RUNX3: variants seen among roughly 807,000 people sequenced by gnomAD.
The protein encoded by RUNX3 is RUNX family transcription factor 3.
Under a neutral mutation model 27.7 loss-of-function variants are expected in RUNX3, and 10 were observed. The observed-to-expected ratio is 0.36, with a 90% CI of 0.22 to 0.61. The LOEUF (loss-of-function observed/expected upper bound fraction) is 0.61, where lower values mean the gene tolerates loss of function less well. Ranked by LOEUF, RUNX3 falls within the 20% of genes least tolerant of loss-of-function variation. The pLI, the probability that RUNX3 is intolerant of heterozygous loss-of-function variation, is 0.72. For synonymous variants in RUNX3, 270 were observed against 269.2 expected, an observed-to-expected ratio of 1.00 and a Z score of -0.03; for missense variants, 469 against 629.5, an observed-to-expected ratio of 0.75 and a Z score of 2.73.
Position 24,902,453 on chromosome 1 carries a change from G to A in RUNX3, c.917C>T (p.Thr306Ile). 6.2e-7 allele frequency: 1 copy of A among 1,604,404 alleles called. No homozygotes were observed. Among genetic ancestry groups the A allele is most frequent in the Non-Finnish European group, 8.5e-7 (1 of 1,172,586 alleles). ...GMPATSRFHH[T>I]YLPPPYPGAP... The stretch of plus-strand genomic sequence containing the variant: ...CCCCGGGTAGGGTGGCGGGAGGTAG[G>A]TATGGTGGAAGCGGCTGGTGGCCGG... Residue 306 changes from threonine to isoleucine, a missense_variant, in exon 5 of 5, where the codon ACC becomes ATC. This residue lies in a region of RUNX3 where 279 missense variants were observed against 343.0 expected (regional missense o/e 0.81). Transcript: ENST00000308873. This position sits in a 1 kb window ranked among gnomAD's most constrained non-coding sequence, Gnocchi z 9.2.
intron 3 of RUNX3, among the ~76,000 whole-genome samples, chr1:24,918,216 AGCCCAGGGCTAGGCCTCCT>A (rs1189832866): frequency 6.6e-6 from 1 of 152,194 alleles, no homozygotes; most frequent in Non-Finnish European, 1.5e-5. Context: ...GGGAGGGGCC[AGCCCAGGGCTAGGCCTCCT>A]GCCCCAGGCC....
chr1:24,963,460 C>T (rs1160935355), intron 2 of RUNX3, among the ~76,000 whole-genome samples: 1 of 152,196 alleles, frequency 6.6e-6, no homozygotes. Context: ...CATGCAGCCT[C>T]TCTGTTCTGG....
intron 2 of RUNX3, 116 bp from the exon 3 acceptor site, chr1:24,919,460 T>A (rs1404937201): frequency 3.1e-6 from 2 of 646,386 alleles, no homozygotes; most frequent in Non-Finnish European, 5.4e-6. Flanking sequence ...GGGCACTCTG[T>A]CCTCTTTGAA....
upstream of RUNX3, among the ~76,000 whole-genome samples, chr1:24,930,896 C>T (rs575765081): frequency 6.6e-6 from 1 of 152,192 alleles, no homozygotes; most frequent in African/African-American, 2.4e-5. This position sits in a 1 kb window ranked among gnomAD's most constrained non-coding sequence, Gnocchi z 4.1. Flanking sequence ...GCCCCTGTGC[C>T]AAACCGGGGA....
At chr1:24,940,725 T>C (rs1427110805) in intron 2 of RUNX3, among the ~76,000 whole-genome samples, 2 of 144,220 alleles carry the variant, frequency 1.4e-5, no homozygotes, top group Non-Finnish European at 3.0e-5. Flanking sequence ...TGAGACTCTG[T>C]ATCTACCAAA....
rs573874773 is a variant in RUNX3 at position 24,920,876 on chromosome 1, A to G, written c.440-1532T>C. ...TGTCTGGGAGTTTGGGGGTCTGGGT[A>G]AGAGTCCTCCTCTCACCCTATTCTC... On this transcript the variant is annotated intron_variant, in intron 2 of 4. Coordinates refer to ENST00000308873, the MANE Select transcript of RUNX3 (RefSeq NM_004350.3). Among the ~76,000 whole-genome samples, 6 of 152,300 alleles carry G rather than the reference A, an allele frequency of 3.9e-5. No homozygotes were observed. The East Asian group carries it at 1.2e-3, about 29-fold the overall frequency.
At chr1:24,932,614 A>G (rs1334678584), upstream of RUNX3, among the ~76,000 whole-genome samples, 1 of 152,164 alleles carries the variant, frequency 6.6e-6, no homozygotes, top group African/African-American at 2.4e-5. Context: ...GATAAGATGG[A>G]CGCCTTCTGT....
chr1:24,920,319 G>A (rs914978003), intron 2 of RUNX3, among the ~76,000 whole-genome samples: 5 of 151,948 alleles, frequency 3.3e-5, no homozygotes, highest in Admixed American at 6.6e-5. Context: ...TCCAAGAAGC[G>A]GTGAGTGATT....
chr1:24,942,812 C>T (rs1461143180), intron 2 of RUNX3, among the ~76,000 whole-genome samples: 3 of 152,192 alleles, frequency 2.0e-5, no homozygotes, highest in Non-Finnish European at 2.9e-5. Context: ...TCAGCGGTGC[C>T]CTAATGCCAG....
intron 3 of RUNX3, among the ~76,000 whole-genome samples, chr1:24,918,603 TCAG>T (rs1186817108): frequency 3.9e-5 from 6 of 152,232 alleles, no homozygotes; most frequent in African/African-American, 1.4e-4. Flanking sequence ...AGTCAGTCAG[TCAG>T]TCATTCATTC....
At chr1:24,906,640 A>G (rs1490765070) in intron 4 of RUNX3, among the ~76,000 whole-genome samples, 1 of 152,120 alleles carries the variant, frequency 6.6e-6, no homozygotes, top group Admixed American at 6.5e-5. Flanking sequence ...TAGGCAGTGG[A>G]GATGGAGACC....
Position 24,927,747 on chromosome 1 carries a change from G to A in RUNX3, c.283-17C>T. The stretch of plus-strand genomic sequence containing the variant: ...TGCCACCACCTGAAGACACGGGGCG[G>A]GGGGATGCAGGGGGACAGCTTAGAA... On this transcript the variant is annotated splice_polypyrimidine_tract_variant and intron_variant, in intron 1 of 4. Coordinates refer to ENST00000308873, the MANE Select transcript of RUNX3 (RefSeq NM_004350.3). The surrounding 1 kb of genome is among the most constrained non-coding windows in gnomAD (Gnocchi z 5.0). 1 of 1,612,830 alleles carries A rather than the reference G, an allele frequency of 6.2e-7. No homozygotes were observed. The highest frequency in any genetic ancestry group is 8.5e-7 in the Non-Finnish European group (1 of 1,179,072).
chr1:24,963,491 C>T (rs773299447), intron 2 of RUNX3, among the ~76,000 whole-genome samples: 13 of 152,150 alleles, frequency 8.5e-5, no homozygotes, highest in Non-Finnish European at 1.8e-4. Flanking sequence ...AGGCACTGCC[C>T]TTATACATGG....
intron 2 of RUNX3, among the ~76,000 whole-genome samples, chr1:24,951,086 A>G (rs1641750122): frequency 6.6e-6 from 1 of 151,256 alleles, no homozygotes; most frequent in Non-Finnish European, 1.5e-5. Flanking sequence ...CGTGCCTGTA[A>G]TCCCAGCTAC....
chr1:24,928,193 A>C (rs1029504442), intron 1 of RUNX3, among the ~76,000 whole-genome samples: 2 of 152,258 alleles, frequency 1.3e-5, no homozygotes, highest in Non-Finnish European at 2.9e-5. Flanking sequence ...TGTTTAGGGC[A>C]TGAAATTTGG....
In RUNX3 at chr1:24,916,081, G is replaced by C. The variant is rs1167620224; in HGVS notation, c.544+3159C>G. Among the ~76,000 whole-genome samples the C allele has an allele frequency of 6.6e-6, 1 of 152,220 alleles. No homozygotes were observed. The highest frequency in any genetic ancestry group is 1.5e-5 in the Non-Finnish European group (1 of 68,036). On this transcript the variant is annotated intron_variant, in intron 3 of 4. Transcript: ENST00000308873. This position sits in a 1 kb window ranked among gnomAD's most constrained non-coding sequence, Gnocchi z 4.8. ...GACCCGGCCACAGAACCCACAGCCG[G>C]CCTCAGGGATCTACAGATTCCCAGT...
rs1640523378 is a variant in RUNX3, at chr1:24,900,771, G to A, written c.*1351C>T. On this transcript the variant is annotated 3_prime_UTR_variant, in exon 5 of 5. Coordinates refer to ENST00000308873, the MANE Select transcript of RUNX3 (RefSeq NM_004350.3). ...CAGCGTTTCCCTCGTCCTCCCAGGG[G>A]AGCCTGTGGTGCAGGCTGGTGGGAT... The A allele has an allele frequency of 6.6e-6, 1 of 152,410 alleles. No homozygotes were observed. The highest frequency in any genetic ancestry group is 1.5e-5 in the Non-Finnish European group (1 of 68,162). 9.4% of individuals were successfully genotyped at this position (152,410 alleles called of 1,614,324 possible).
At chr1:24,953,447 T>C (rs1011138165) in intron 2 of RUNX3, among the ~76,000 whole-genome samples, 1 of 137,628 alleles carries the variant, frequency 7.3e-6, no homozygotes, top group African/African-American at 2.7e-5. Flanking sequence ...AAAGTAGCCA[T>C]TAGCTTTTAA....
chr1:24,915,145 C>T (rs994679469), intron 3 of RUNX3, among the ~76,000 whole-genome samples: 7 of 152,144 alleles, frequency 4.6e-5, no homozygotes, highest in South Asian at 2.1e-4. Context: ...AACAGGGGGC[C>T]GGGTGCGGTG....
Sources: gnomAD v4.1 joint callset for allele counts (sites outside exome capture counted in the v4.1 genomes callset) on GRCh38, gnomAD v4.1.1 for gene constraint, gnomAD v4.1.1 regional missense constraint, Gnocchi (gnomAD v3.1) non-coding constraint, MANE v1.5 for transcripts, NCBI Gene and HGNC (gene_info 2026-07-23, HGNC 2026-07-21) for gene names.